ABLIM3: variants seen among roughly 807,000 people sequenced by gnomAD.
ABLIM3 encodes actin-binding LIM protein 3.
A neutral mutation model predicts 109.5 loss-of-function variants in ABLIM3; 61 were observed. That is an observed-to-expected ratio of 0.56 (90% CI 0.45 to 0.69). The LOEUF is 0.69. ABLIM3 is among the 30% of genes least tolerant of loss of function. The probability of loss-of-function intolerance (pLI) is 0.00; values close to 1 mark genes in which losing one functional copy is unlikely to be tolerated. For missense variants in ABLIM3, 796 were observed against 889.5 expected (o/e 0.89, Z 1.34); for synonymous variants, 300 against 324.8 (o/e 0.92, Z 0.82).
chr5:149,206,453 G>A (rs1334223612), intron 5 of ABLIM3, among the ~76,000 whole-genome samples: 1 of 152,236 alleles, frequency 6.6e-6, no homozygotes, highest in African/African-American at 2.4e-5. Flanking sequence ...TATGGGCTGA[G>A]CACTGTGCTA....
intron 20 of ABLIM3, 32 bp from the exon 21 acceptor site, chr5:149,251,327 T>G (rs1167356741): frequency 6.2e-7 from 1 of 1,613,476 alleles, no homozygotes; most frequent in Non-Finnish European, 8.5e-7. Flanking sequence ...TGAGCTTATC[T>G]CAGGCCAGCC....
At chr5:149,144,204 G>C (rs986491700) in intron 2 of ABLIM3, among the ~76,000 whole-genome samples, 1 of 152,204 alleles carries the variant, frequency 6.6e-6, no homozygotes, top group Non-Finnish European at 1.5e-5. Flanking sequence ...AATGAACAGA[G>C]GAGAATGGCT....
At chr5:149,199,167 T>C (rs1041126035) in intron 4 of ABLIM3, 6 of 454,240 alleles carry the variant, frequency 1.3e-5, no homozygotes, top group African/African-American at 1.2e-4. Flanking sequence ...ATTAAGGAGA[T>C]GAAAAAATGA....
At chr5:149,216,104 A>T (rs1760051479) in intron 7 of ABLIM3, among the ~76,000 whole-genome samples, 3 of 152,166 alleles carry the variant, frequency 2.0e-5, no homozygotes, top group Admixed American at 1.3e-4. Flanking sequence ...ACCAGGGCAA[A>T]ATAGTCACAG....
Position 149,226,793 on chromosome 5 carries a change from G to A in ABLIM3, c.758-3856G>A, listed in dbSNP as rs1365832388. ...CATTAAAAAACAAAAAGCATTGGCC[G>A]GGCATGGTGGCTCATCCCTGTAATC... On this transcript the variant is annotated intron_variant, in intron 8 of 23. Coordinates refer to ENST00000309868, the MANE Select transcript of ABLIM3 (RefSeq NM_014945.5). Among the ~76,000 whole-genome samples, 4 of 152,034 alleles carry A rather than the reference G, an allele frequency of 2.6e-5. No individual in the cohort carries two copies. In the South Asian group the frequency reaches 6.2e-4, roughly 24 times the overall value.
intron 8 of ABLIM3, chr5:149,220,372 G>A (rs1012060412): frequency 3.3e-5 from 5 of 152,154 alleles, no homozygotes; most frequent in African/African-American, 9.7e-5. Context: ...TCCAAGGGTG[G>A]GAGATATTCT....
At chr5:149,181,945 A>T (rs937694889) in intron 2 of ABLIM3, among the ~76,000 whole-genome samples, 1 of 152,186 alleles carries the variant, frequency 6.6e-6, no homozygotes, top group Non-Finnish European at 1.5e-5. Context: ...CTGGGGTAAC[A>T]TTCATTCCTG....
In ABLIM3 at chr5:149,237,601, G is replaced by A. The variant is rs146590132; in HGVS notation, c.1042G>A (p.Glu348Lys). ...GATGCTGGAGAGATGTGGCTATGGA[G>A]AGGTATCGCATCTTGCCCTTCTCTC... Reference protein sequence around the residue: ...DEMLERCGYGESLGTLSPYSQ... With the variant: ...DEMLERCGYGKSLGTLSPYSQ... The change falls in exon 11 of 24, where the codon GAG (glutamate) becomes AAG (lysine). Residue 348 changes from glutamate (E) to lysine (K), a missense_variant and splice_region_variant. Glu to Lys is a moderately conservative substitution (Grantham distance 56). Transcript: ENST00000309868. 71 of 1,613,996 alleles carry A rather than the reference G, an allele frequency of 4.4e-5. No homozygotes were observed. The highest frequency in any genetic ancestry group is 5.7e-5 in the Non-Finnish European group (67 of 1,180,034).
At chr5:149,159,835 C>T (rs767004990) in intron 2 of ABLIM3, among the ~76,000 whole-genome samples, 1 of 152,208 alleles carries the variant, frequency 6.6e-6, no homozygotes, top group Non-Finnish European at 1.5e-5. Flanking sequence ...GTTCTAGCTG[C>T]ACTGGCCTCC....
intron 2 of ABLIM3, among the ~76,000 whole-genome samples, chr5:149,179,352 A>G (rs973148029): frequency 6.6e-5 from 10 of 152,172 alleles, no homozygotes; most frequent in African/African-American, 2.4e-4. Context: ...ACCGACAGCC[A>G]TTGGCAACTG....
chr5:149,242,732 C>T, intron 15 of ABLIM3, 194 bp downstream of exon 15: 1 of 629,130 alleles, frequency 1.6e-6, no homozygotes, highest in Admixed American at 2.6e-5. Context: ...ACAAAGTCCT[C>T]ATGTCCCCTC....
intron 2 of ABLIM3, among the ~76,000 whole-genome samples, chr5:149,168,257 T>G (rs1344786726): frequency 6.6e-6 from 1 of 152,078 alleles, no homozygotes; most frequent in Non-Finnish European, 1.5e-5. Flanking sequence ...ATGAAGACAG[T>G]AGGCTGAGCT....
intron 7 of ABLIM3, 111 bp from the exon 8 acceptor site, chr5:149,216,848 C>A: frequency 1.1e-6 from 1 of 947,192 alleles, no homozygotes; most frequent in Non-Finnish European, 1.6e-6. Context: ...AACTTTAGGG[C>A]CATGAAGATG....
intron 2 of ABLIM3, among the ~76,000 whole-genome samples, chr5:149,156,535 A>G (rs1457835044): frequency 6.6e-6 from 1 of 152,266 alleles, no homozygotes; most frequent in Non-Finnish European, 1.5e-5. Flanking sequence ...TGATGTAGTC[A>G]CCACTTGGTC....
chr5:149,186,328 C>T (rs1411534828), intron 3 of ABLIM3, among the ~76,000 whole-genome samples: 2 of 151,946 alleles, frequency 1.3e-5, no homozygotes, highest in South Asian at 2.1e-4. Flanking sequence ...ACAGGAGAAT[C>T]GCTTGAAGCC....
chr5:149,244,648 T>C (rs1753176098), intron 15 of ABLIM3: 3 of 551,120 alleles, frequency 5.4e-6, no homozygotes, highest in Non-Finnish European at 9.8e-6. Context: ...TGCTATGTGG[T>C]CTTAAGCAAG....
chr5:149,141,990 C>G lies in ABLIM3; in HGVS notation c.-87-19C>G. 1 of 1,519,682 alleles carries G rather than the reference C, an allele frequency of 6.6e-7. No individual in the cohort carries two copies. Among genetic ancestry groups the G allele is most frequent in the East Asian group, 2.3e-5 (1 of 44,392 alleles). 94.1% of individuals were successfully genotyped at this position (1,519,682 alleles called of 1,614,324 possible). On this transcript the variant is annotated intron_variant, in intron 1 of 23. Transcript: ENST00000309868. ...CTGAGGATACAGAGCTGGCACTGGA[C>G]TGCCTTTTCACCCCCCAGGTGATGA... is the stretch of plus-strand genomic sequence containing the variant.
chr5:149,198,182 A>T lies in ABLIM3; in HGVS notation c.152-37A>T, dbSNP rs1418095105. The T allele has an allele frequency of 6.3e-7, 1 of 1,587,610 alleles. No homozygotes were observed. Among genetic ancestry groups the T allele is most frequent in the Non-Finnish European group, 8.6e-7 (1 of 1,166,128 alleles). ...CCTTCTGCTTACAGACCCTCCCTGG[A>T]CTCAACCTGCCCTTGTTTTCCTCCT... On this transcript the variant is annotated intron_variant, in intron 3 of 23. Coordinates refer to ENST00000309868, the MANE Select transcript of ABLIM3 (RefSeq NM_014945.5). The surrounding 1 kb of genome is among the most constrained non-coding windows in gnomAD (Gnocchi z 4.2).
intron 2 of ABLIM3, among the ~76,000 whole-genome samples, chr5:149,177,488 A>C (rs1756046608): frequency 6.6e-6 from 1 of 152,206 alleles, no homozygotes; most frequent in African/African-American, 2.4e-5. Context: ...TCACACAGGG[A>C]AATGCCCAAT....
Sources: allele counts gnomAD v4.1 joint callset (sites outside exome capture counted in the v4.1 genomes callset), GRCh38; gene constraint gnomAD v4.1.1; non-coding constraint Gnocchi (gnomAD v3.1); transcripts MANE v1.5; gene names NCBI Gene and HGNC (gene_info 2026-07-23, HGNC 2026-07-21).